The following ZFHX3 variants were observed in gnomAD, a reference collection of about 807,000 sequenced individuals.
ZFHX3 encodes the protein zinc finger homeobox 3.
In ZFHX3, 42 loss-of-function variants were observed where a neutral mutation model predicts 279.1. The observed-to-expected ratio is 0.15, with a 90% CI of 0.12 to 0.19. The LOEUF is 0.19. Among genes scored for constraint, ZFHX3 ranks in the 10% least tolerant of loss-of-function variants. The pLI is 1.00. For synonymous variants in ZFHX3, 2,293 were observed against 1,957.8 expected, an observed-to-expected ratio of 1.17 and a Z score of -4.52; for missense variants, 4,981 against 4,754.0, an observed-to-expected ratio of 1.05 and a Z score of -1.40.
At chr16:73,749,341 GCAC>G (rs922785586) in intron 1 of ZFHX3, among the ~76,000 whole-genome samples, 1 of 147,554 alleles carries the variant, frequency 6.8e-6, no homozygotes, top group South Asian at 2.1e-4. Flanking sequence ...ACCAGCAACA[GCAC>G]CACCACCACC....
chr16:72,956,698 C>T (rs930478310), intron 2 of ZFHX3, among the ~76,000 whole-genome samples: 1 of 152,200 alleles, frequency 6.6e-6, no homozygotes, highest in Non-Finnish European at 1.5e-5. Flanking sequence ...TAAAAGTTAA[C>T]TTTCCTTGAT....
intron 1 of ZFHX3, among the ~76,000 whole-genome samples, chr16:73,716,783 T>C (rs1372185586): frequency 6.6e-6 from 1 of 152,108 alleles, no homozygotes; most frequent in Admixed American, 6.5e-5. Flanking sequence ...AGGAGCAATT[T>C]ACAGAAAGCA....
At chr16:73,876,593 C>T (rs993583169) in intron 1 of ZFHX3, among the ~76,000 whole-genome samples, 7 of 152,110 alleles carry the variant, frequency 4.6e-5, no homozygotes, top group Non-Finnish European at 7.4e-5. Context: ...TAAAATAAGT[C>T]TGGAAACCAA....
At chr16:73,304,426 T>C (rs1048597751) in intron 4 of ZFHX3, among the ~76,000 whole-genome samples, 1 of 152,200 alleles carries the variant, frequency 6.6e-6, no homozygotes, top group Non-Finnish European at 1.5e-5. Context: ...TCTGTGTGTT[T>C]GTGTGCACGT....
intron 1 of ZFHX3, among the ~76,000 whole-genome samples, chr16:73,010,361 A>G (rs933219541): frequency 6.6e-6 from 1 of 152,244 alleles, no homozygotes; most frequent in Non-Finnish European, 1.5e-5. Context: ...GCTAAAACAA[A>G]AGACGGATGA....
At chr16:73,688,126 G>A (rs2142204043) in intron 1 of ZFHX3, among the ~76,000 whole-genome samples, 1 of 152,074 alleles carries the variant, frequency 6.6e-6, no homozygotes, top group East Asian at 2.0e-4. Flanking sequence ...GGAGGCTGAG[G>A]CAGGTGGATC....
chr16:73,782,685 A>G (rs1184724777), intron 1 of ZFHX3, among the ~76,000 whole-genome samples: 1 of 152,180 alleles, frequency 6.6e-6, no homozygotes, highest in African/African-American at 2.4e-5. Flanking sequence ...ACTGCTGAGT[A>G]GAAGCATTAA....
chr16:73,440,894 G>C (rs1036016534), intron 3 of ZFHX3, among the ~76,000 whole-genome samples: 2 of 152,188 alleles, frequency 1.3e-5, no homozygotes, highest in Non-Finnish European at 2.9e-5. Flanking sequence ...GATCAGAAGT[G>C]CCAGCTTTTA....
intron 7 of ZFHX3, among the ~76,000 whole-genome samples, chr16:72,810,688 G>GA (rs2036419343): frequency 6.6e-6 from 1 of 152,034 alleles, no homozygotes; most frequent in South Asian, 2.1e-4. Context: ...CCACATTCAC[G>GA]AATCAGCAAT....
rs751479949 is a variant in ZFHX3 at position 72,797,550 on chromosome 16, T to C, written c.5132A>G (p.Asn1711Ser). 1.4e-5 allele frequency: 22 copies of C among 1,614,078 alleles called. No homozygotes were observed. The highest frequency in any genetic ancestry group is 5.0e-5 in the Admixed American group (3 of 60,000). The change falls in exon 9 of 10, where the codon AAT becomes AGT. Residue 1711 changes from asparagine to serine, a missense_variant. By Grantham distance (46) the Asn-to-Ser change is conservative. This residue lies in a region of ZFHX3 where 1,751 missense variants were observed against 1,770.0 expected (regional missense o/e 0.99). Transcript: ENST00000268489. ...AATCATATCTGCCAGTTTCTTCCGATTGGCCTCTTTGGGCTCTGAAGGGGA... is the reference window on the plus strand; with the variant it reads ...AATCATATCTGCCAGTTTCTTCCGACTGGCCTCTTTGGGCTCTGAAGGGGA... ...IASPSEPKEA[N>S]RKKLADMIAS...
chr16:73,247,386 C>G (rs564192462), intron 5 of ZFHX3, among the ~76,000 whole-genome samples: 25 of 148,416 alleles, frequency 1.7e-4, no homozygotes, highest in Admixed American at 1.1e-3. Flanking sequence ...GTGGAGTATA[C>G]GCGTGTGTGT....
intron 4 of ZFHX3, among the ~76,000 whole-genome samples, chr16:73,267,878 A>G (rs1185107558): frequency 6.6e-6 from 1 of 152,164 alleles, no homozygotes; most frequent in Non-Finnish European, 1.5e-5. Context: ...TAACTAAAGG[A>G]GAAGTAATTC....
At position 73,392,418 on chromosome 16, in the gene ZFHX3, C is replaced by CAA. The variant is rs35019692; in HGVS notation, c.-1291+63583_-1291+63584dup. On this transcript the variant is annotated intron_variant, in intron 3 of 17. Coordinates refer to the ZFHX3 transcript ENST00000641206. Reference sequence around the variant, plus strand: ...TGGGTGACAGAATGAGACCCTGTCTCAAAAAAAAAAAAAAAAAAAAAAAAA... The same window carrying CAA: ...TGGGTGACAGAATGAGACCCTGTCTCAAAAAAAAAAAAAAAAAAAAAAAAAAA... Among the ~76,000 whole-genome samples, 221 of 35,552 alleles carry CAA rather than the reference C, an allele frequency of 6.2e-3. 15 individuals carry two copies. The highest frequency in any genetic ancestry group is 0.018 in the African/African-American group (153 of 8,416). The allele number at this position is 35,552 out of a possible 152,430, so 23.3% of individuals were successfully genotyped here.
chr16:72,898,881 A>G (rs2038965003), intron 3 of ZFHX3, among the ~76,000 whole-genome samples: 2 of 152,130 alleles, frequency 1.3e-5, no homozygotes, highest in African/African-American at 4.8e-5. Flanking sequence ...CTACCAGATC[A>G]TAATGTCACA....
At chr16:72,948,704 T>C (rs1456834634) in intron 3 of ZFHX3, among the ~76,000 whole-genome samples, 1 of 152,224 alleles carries the variant, frequency 6.6e-6, no homozygotes, top group Non-Finnish European at 1.5e-5. Flanking sequence ...GCCAGCTTCA[T>C]GCCACCTCTA....
At chr16:73,509,446 G>A (rs2019384540) in intron 2 of ZFHX3, among the ~76,000 whole-genome samples, 3 of 151,262 alleles carry the variant, frequency 2.0e-5, no homozygotes, top group Non-Finnish European at 2.9e-5. Flanking sequence ...CATGATGTGG[G>A]CTCTGACTAC....
intron 3 of ZFHX3, among the ~76,000 whole-genome samples, chr16:73,418,375 A>T (rs1186963763): frequency 1.3e-5 from 2 of 152,186 alleles, no homozygotes; most frequent in Non-Finnish European, 2.9e-5. Flanking sequence ...GATCACCTGG[A>T]ATAGGGAGTC....
intron 5 of ZFHX3, chr16:73,232,899 C>A (rs570156234): frequency 6.6e-6 from 1 of 152,142 alleles, no homozygotes; most frequent in Admixed American, 6.5e-5. Flanking sequence ...TCCAATCGTG[C>A]TCTCCAGCTA....
chr16:73,384,673 A>G (rs1290261443), intron 3 of ZFHX3, among the ~76,000 whole-genome samples: 1 of 152,220 alleles, frequency 6.6e-6, no homozygotes, highest in Non-Finnish European at 1.5e-5. Flanking sequence ...GGAGCCTAGC[A>G]GCATACACAG....
Sources: gnomAD v4.1 joint callset for allele counts (sites outside exome capture counted in the v4.1 genomes callset) on GRCh38, gnomAD v4.1.1 for gene constraint, gnomAD v4.1.1 regional missense constraint, MANE v1.5 for transcripts, NCBI Gene and HGNC (gene_info 2026-07-23, HGNC 2026-07-21) for gene names.